Variants in LUZP2 observed in about 807,000 individuals in gnomAD.
LUZP2 encodes leucine zipper protein 2.
In LUZP2, 52 loss-of-function variants were observed where a neutral mutation model predicts 51.6. The observed-to-expected ratio is 1.01, with a 90% CI of 0.81 to 1.27. LUZP2 has a LOEUF of 1.27. Among genes scored for constraint, LUZP2 ranks in the 50% most tolerant of loss-of-function variants. LUZP2 has a pLI of 0.00. For synonymous variants in LUZP2, 154 were observed against 137.3 expected, an observed-to-expected ratio of 1.12 and a Z score of -0.85; for missense variants, 436 against 395.4, an observed-to-expected ratio of 1.10 and a Z score of -0.87.
chr11:24,926,391 GTGTGTA>G (rs1854256663), intron 7 of LUZP2, among the ~76,000 whole-genome samples: 1 of 19,188 alleles, frequency 5.2e-5, no homozygotes, highest in Admixed American at 5.6e-4. Context: ...ATATATATAC[GTGTGTA>G]TATATATATA....
At chr11:24,937,298 G>A (rs1269742223) in intron 7 of LUZP2, among the ~76,000 whole-genome samples, 1 of 152,244 alleles carries the variant, frequency 6.6e-6, no homozygotes, top group Non-Finnish European at 1.5e-5. Flanking sequence ...TAGTCAAAAA[G>A]AGGGGATCTA....
chr11:24,996,132 T>C (rs901837320), intron 9 of LUZP2, among the ~76,000 whole-genome samples: 16 of 151,738 alleles, frequency 1.1e-4, no homozygotes, highest in African/African-American at 3.4e-4. Flanking sequence ...ATCTGAGTTT[T>C]TTTCGGTCAT....
At chr11:24,855,332 C>G (rs181700594) in intron 5 of LUZP2, among the ~76,000 whole-genome samples, 1 of 152,000 alleles carries the variant, frequency 6.6e-6, no homozygotes, top group Non-Finnish European at 1.5e-5. Context: ...ACACCAATAA[C>G]AAACAAGCTG....
chr11:24,499,380 T>C (rs955821681), intron 1 of LUZP2, among the ~76,000 whole-genome samples: 1 of 152,242 alleles, frequency 6.6e-6, no homozygotes, highest in Non-Finnish European at 1.5e-5. Flanking sequence ...TAAAGATCTC[T>C]AACAGAAGGC....
At chr11:24,999,162 A>G (rs926105713) in intron 9 of LUZP2, among the ~76,000 whole-genome samples, 3 of 152,194 alleles carry the variant, frequency 2.0e-5, no homozygotes, top group African/African-American at 7.2e-5. Context: ...TCTCATGCCT[A>G]AGAATTTTCA....
intron 6 of LUZP2, among the ~76,000 whole-genome samples, chr11:24,912,544 C>T (rs909562930): frequency 2.0e-5 from 3 of 152,094 alleles, no homozygotes; most frequent in Admixed American, 6.6e-5. Context: ...CATGGTGGCT[C>T]ACATCTGTAA....
intron 10 of LUZP2, among the ~76,000 whole-genome samples, chr11:25,061,901 G>A (rs1858849641): frequency 1.3e-5 from 2 of 152,048 alleles, no homozygotes; most frequent in South Asian, 2.1e-4. Flanking sequence ...AAATTGATAT[G>A]GAATGAAGAC....
chr11:24,812,707 CTG>C (rs2134139027), intron 5 of LUZP2, among the ~76,000 whole-genome samples: 1 of 152,160 alleles, frequency 6.6e-6, no homozygotes, highest in South Asian at 2.1e-4. Flanking sequence ...GGGTTTTGCT[CTG>C]TGTTTTTTGT....
chr11:24,705,111 T>C (rs1310457583), intron 1 of LUZP2, among the ~76,000 whole-genome samples: 1 of 152,146 alleles, frequency 6.6e-6, no homozygotes, highest in Non-Finnish European at 1.5e-5. Context: ...TGAAAAACAG[T>C]TGATTTAGTA....
intron 1 of LUZP2, among the ~76,000 whole-genome samples, chr11:24,505,010 A>AT (rs1850106554): frequency 6.6e-6 from 1 of 151,908 alleles, no homozygotes; most frequent in Non-Finnish European, 1.5e-5. Flanking sequence ...TCCTCTTTTT[A>AT]TTTTTTCCTT....
intron 1 of LUZP2, among the ~76,000 whole-genome samples, chr11:24,564,518 G>A (rs746883294): frequency 2.0e-5 from 3 of 151,978 alleles, no homozygotes; most frequent in Non-Finnish European, 4.4e-5. Flanking sequence ...ATATTTTCAG[G>A]CATATTTTGA....
At chr11:24,855,340 C>A (rs1851527147) in intron 5 of LUZP2, among the ~76,000 whole-genome samples, 1 of 151,996 alleles carries the variant, frequency 6.6e-6, no homozygotes, top group Admixed American at 6.6e-5. Context: ...AACAAACAAG[C>A]TGAGAAACAA....
intron 9 of LUZP2, among the ~76,000 whole-genome samples, chr11:25,008,454 G>A (rs898055979): frequency 1.3e-5 from 2 of 152,176 alleles, no homozygotes; most frequent in African/African-American, 2.4e-5. Flanking sequence ...TTGTGTTACA[G>A]CTTGTTTGTT....
chr11:24,507,837 T>C (rs1220117222), intron 1 of LUZP2, among the ~76,000 whole-genome samples: 1 of 152,056 alleles, frequency 6.6e-6, no homozygotes, highest in South Asian at 2.1e-4. Context: ...TGGTTGGTTT[T>C]GCATGATGTT....
chr11:24,826,508 T>C (rs994576884), intron 5 of LUZP2, among the ~76,000 whole-genome samples: 13 of 150,326 alleles, frequency 8.6e-5, no homozygotes, highest in African/African-American at 3.2e-4. Context: ...TCTTAGAGAG[T>C]ATTAAACTTT....
intron 4 of LUZP2, among the ~76,000 whole-genome samples, chr11:24,758,680 G>T (rs1043346264): frequency 6.6e-6 from 1 of 151,944 alleles, no homozygotes; most frequent in Non-Finnish European, 1.5e-5. Context: ...TTTTGGATTT[G>T]ATTAGAGAAA....
intron 1 of LUZP2, among the ~76,000 whole-genome samples, chr11:24,590,153 TCTC>T (rs1423902667): frequency 2.6e-5 from 4 of 152,156 alleles, no homozygotes; most frequent in Admixed American, 1.3e-4. Context: ...AGTAGAATCA[TCTC>T]CTCACACTTT....
chr11:24,554,359 A>G (rs1851806681), intron 1 of LUZP2, among the ~76,000 whole-genome samples: 1 of 152,174 alleles, frequency 6.6e-6, no homozygotes, highest in South Asian at 2.1e-4. Flanking sequence ...TTTGGCATGA[A>G]AGTAATAAAA....
chr11:24,547,147 T>A (rs1197060945), intron 1 of LUZP2, among the ~76,000 whole-genome samples: 1 of 151,826 alleles, frequency 6.6e-6, no homozygotes, highest in Non-Finnish European at 1.5e-5. Context: ...TGTGTGTTCA[T>A]AAGATTCTCT....
Sources: gnomAD v4.1 joint callset for allele counts (sites outside exome capture counted in the v4.1 genomes callset) on GRCh38, gnomAD v4.1.1 for gene constraint, MANE v1.5 for transcripts, NCBI Gene and HGNC (gene_info 2026-07-23, HGNC 2026-07-21) for gene names.